The following CDH4 variants were observed in gnomAD, a reference collection of about 807,000 sequenced individuals.
CDH4 encodes cadherin-4.
In CDH4, 33 loss-of-function variants were observed where a neutral mutation model predicts 86.0. The ratio of observed to expected loss-of-function variants is 0.38; its 90% CI spans 0.29 to 0.51. The LOEUF is 0.51. CDH4 is among the 20% of genes least tolerant of loss of function. The pLI, the probability that CDH4 is intolerant of heterozygous loss-of-function variation, is 0.86. For missense variants in CDH4, 1,114 were observed against 1,307.4 expected (o/e 0.85, Z 2.28); for synonymous variants, 555 against 549.4 (o/e 1.01, Z -0.14).
At position 61,792,355 on chromosome 20, in the gene CDH4, C is replaced by A. The variant is rs1600992742; in HGVS notation, c.576+19173C>A. The stretch of plus-strand genomic sequence containing the variant: ...GGGGATACTGTGCACATCTGTCCCC[C>A]CTCCTGCACATCTGTCTCTTCCCAC... On this transcript the variant is annotated intron_variant, in intron 4 of 15. Transcript: ENST00000614565. Among the ~76,000 whole-genome samples, 3 of 152,266 alleles carry A rather than the reference C, an allele frequency of 2.0e-5. No individual in the cohort carries two copies. The South Asian group carries it at 6.2e-4, about 32-fold the overall frequency.
intron 2 of CDH4, among the ~76,000 whole-genome samples, chr20:61,323,516 C>T (rs747823414): frequency 3.9e-5 from 6 of 152,162 alleles, no homozygotes; most frequent in Non-Finnish European, 5.9e-5. Flanking sequence ...ATTCTTTGGC[C>T]ACCTGACGTC....
At chr20:61,692,837 T>TAA (rs1568759547) in intron 2 of CDH4, among the ~76,000 whole-genome samples, 15 of 145,404 alleles carry the variant, frequency 1.0e-4, no homozygotes, top group African/African-American at 4.1e-4. Context: ...GTTTTTTGTT[T>TAA]TTTGTTTTTT....
intron 2 of CDH4, among the ~76,000 whole-genome samples, chr20:61,549,981 T>G (rs1324096882): frequency 6.6e-6 from 1 of 152,094 alleles, no homozygotes; most frequent in African/African-American, 2.4e-5. Context: ...TCCTCCCCAC[T>G]GGCACCCATC....
At chr20:61,628,737 C>G (rs960421447) in intron 2 of CDH4, among the ~76,000 whole-genome samples, 1 of 152,316 alleles carries the variant, frequency 6.6e-6, no homozygotes, top group Non-Finnish European at 1.5e-5. Flanking sequence ...GGATGTCACA[C>G]AGAGACTTGC....
At chr20:61,470,249 A>G (rs1181247231) in intron 2 of CDH4, among the ~76,000 whole-genome samples, 5 of 151,870 alleles carry the variant, frequency 3.3e-5, no homozygotes, top group Non-Finnish European at 5.9e-5. Context: ...TATAGTTGTT[A>G]TTATAGATCT....
intron 2 of CDH4, among the ~76,000 whole-genome samples, chr20:61,496,122 A>G (rs1032936180): frequency 1.3e-5 from 2 of 151,592 alleles, no homozygotes; most frequent in Non-Finnish European, 2.9e-5. Flanking sequence ...ATAATTGGCC[A>G]GCCACAGTGG....
At chr20:61,545,467 C>T (rs1252679910) in intron 2 of CDH4, among the ~76,000 whole-genome samples, 7 of 152,376 alleles carry the variant, frequency 4.6e-5, no homozygotes, top group East Asian at 3.9e-4. Flanking sequence ...CCAGGCTGCA[C>T]GGTGTCCCTC....
chr20:61,544,541 C>T lies in CDH4; in HGVS notation c.170-199022C>T, dbSNP rs7352034. Among the ~76,000 whole-genome samples, 33,262 of 151,112 alleles carry T rather than the reference C, an allele frequency of 0.22. 4,614 individuals carry two copies. The highest frequency in any genetic ancestry group is 0.32 in the Non-Finnish European group (21,485 of 67,764). ...TTAAAGCAGTCCATGCAATGGCAGC[C>T]GCCAAGCAGAGACGGTGACGGGATC... On this transcript the variant is annotated intron_variant, in intron 2 of 15. Transcript: ENST00000614565. This position sits in a 1 kb window ranked among gnomAD's most constrained non-coding sequence, Gnocchi z 6.5.
chr20:61,585,672 G>T (rs2086463861), intron 2 of CDH4, among the ~76,000 whole-genome samples: 1 of 145,538 alleles, frequency 6.9e-6, no homozygotes, highest in Non-Finnish European at 1.5e-5. Flanking sequence ...TGATTGTGAT[G>T]GTGATGGTGA....
intron 2 of CDH4, among the ~76,000 whole-genome samples, chr20:61,596,807 C>G (rs1290089105): frequency 1.3e-5 from 2 of 152,166 alleles, no homozygotes; most frequent in Non-Finnish European, 2.9e-5. Flanking sequence ...CAGGCATCTG[C>G]ATGTCTTCTT....
intron 6 of CDH4, among the ~76,000 whole-genome samples, chr20:61,858,209 GTGTGTCTGTGTCTC>G (rs1228022441): frequency 3.3e-5 from 5 of 150,514 alleles, no homozygotes; most frequent in Non-Finnish European, 7.4e-5. Flanking sequence ...GTGTCTATAT[GTGTGTCTGTGTCTC>G]TGTGTCTGTG....
At chr20:61,908,600 C>T (rs908969310) in intron 8 of CDH4, among the ~76,000 whole-genome samples, 2 of 152,200 alleles carry the variant, frequency 1.3e-5, no homozygotes, top group African/African-American at 2.4e-5. Flanking sequence ...TGCTGGCCGC[C>T]CGACGCCCGT....
At position 61,296,296 on chromosome 20, in the gene CDH4, T is replaced by TGC. The variant is rs1174949063; in HGVS notation, c.169+41361_169+41362dup. Among the ~76,000 whole-genome samples the TGC allele has an allele frequency of 6.7e-5, 10 of 149,556 alleles. 1 individual carries two copies. The highest frequency in any genetic ancestry group is 2.5e-4 in the African/African-American group (10 of 40,504). On this transcript the variant is annotated intron_variant, in intron 2 of 15. Coordinates refer to ENST00000614565, the MANE Select transcript of CDH4 (RefSeq NM_001794.5). ...GTGTGCGTGGGTGCGTGTGTGTGTGTGCGTGGGTGCGTGTGTGTGCATGCG... is the reference window on the plus strand; with the variant it reads ...GTGTGCGTGGGTGCGTGTGTGTGTGTGCGCGTGGGTGCGTGTGTGTGCATGCG...
intron 2 of CDH4, among the ~76,000 whole-genome samples, chr20:61,529,079 A>G (rs2085933994): frequency 6.6e-6 from 1 of 152,244 alleles, no homozygotes; most frequent in African/African-American, 2.4e-5. Flanking sequence ...TTTCAAATCC[A>G]TAGGAAGGAA....
At position 61,518,466 on chromosome 20, in the gene CDH4, G is replaced by A. The variant is rs565067692; in HGVS notation, c.170-225097G>A. On this transcript the variant is annotated intron_variant, in intron 2 of 15. Transcript: ENST00000614565. This position sits in a 1 kb window ranked among gnomAD's most constrained non-coding sequence, Gnocchi z 6.3. Reference sequence around the variant, plus strand: ...ATCCATCATCCGTCATCCACCCATCGTCCATCCATCCATCCTTCCATCATT... The same window carrying A: ...ATCCATCATCCGTCATCCACCCATCATCCATCCATCCATCCTTCCATCATT... Among the ~76,000 whole-genome samples the A allele has an allele frequency of 2.7e-4, 40 of 148,096 alleles. No homozygotes were observed. The highest frequency in any genetic ancestry group is 7.3e-4 in the African/African-American group (29 of 39,702).
intron 2 of CDH4, among the ~76,000 whole-genome samples, chr20:61,560,926 C>T (rs1205442904): frequency 1.3e-5 from 2 of 152,184 alleles, no homozygotes; most frequent in Non-Finnish European, 2.9e-5. Flanking sequence ...AGGGACGGGC[C>T]GGGGTCACCG....
At chr20:61,784,918 G>A (rs1978793842) in intron 4 of CDH4, among the ~76,000 whole-genome samples, 1 of 152,110 alleles carries the variant, frequency 6.6e-6, no homozygotes, top group African/African-American at 2.4e-5. Flanking sequence ...CTGGATCCTG[G>A]CCTCCTCCTT....
At chr20:61,854,017 T>C (rs112013476) in intron 6 of CDH4, among the ~76,000 whole-genome samples, 2 of 152,178 alleles carry the variant, frequency 1.3e-5, no homozygotes, top group African/African-American at 2.4e-5. Flanking sequence ...GGACTTACAC[T>C]AAGAGAGTAA....
chr20:61,832,374 C>G (rs1236093074), intron 4 of CDH4, among the ~76,000 whole-genome samples: 1 of 152,140 alleles, frequency 6.6e-6, no homozygotes, highest in Admixed American at 6.5e-5. Flanking sequence ...AACGGCACTG[C>G]CTTGGGTTGT....
Sources: gnomAD v4.1 joint callset for allele counts (sites outside exome capture counted in the v4.1 genomes callset) on GRCh38, gnomAD v4.1.1 for gene constraint, Gnocchi (gnomAD v3.1) non-coding constraint, MANE v1.5 for transcripts, NCBI Gene and HGNC (gene_info 2026-07-23, HGNC 2026-07-21) for gene names.